The following GRID2 variants were observed in gnomAD, a reference collection of about 807,000 sequenced individuals.
GRID2 encodes glutamate ionotropic receptor delta type subunit 2.
GRID2 carries 33 observed loss-of-function variants against 114.8 expected under a neutral mutation model. That is an observed-to-expected ratio of 0.29 (90% CI 0.22 to 0.38). The LOEUF is 0.38. Among genes scored for constraint, GRID2 ranks in the 10% least tolerant of loss-of-function variants. The probability of loss-of-function intolerance (pLI) is 1.00; values close to 1 mark genes in which losing one functional copy is unlikely to be tolerated. For synonymous variants in GRID2, 505 were observed against 449.9 expected (o/e 1.12, Z -1.55); for missense variants, 1,184 against 1,257.7 (o/e 0.94, Z 0.89).
At chr4:93,092,670 A>G (rs533343865) in intron 3 of GRID2, among the ~76,000 whole-genome samples, 2 of 152,148 alleles carry the variant, frequency 1.3e-5, no homozygotes, top group East Asian at 1.9e-4. Context: ...GACTTTCACT[A>G]TGGGTTTCTC....
chr4:92,547,799 A>G (rs1343720662), intron 1 of GRID2, among the ~76,000 whole-genome samples: 1 of 152,168 alleles, frequency 6.6e-6, no homozygotes, highest in African/African-American at 2.4e-5. Context: ...TTTAGAAATG[A>G]ATGGAAACCT....
At chr4:93,250,425 C>T (rs1004812014) in intron 8 of GRID2, among the ~76,000 whole-genome samples, 6 of 151,702 alleles carry the variant, frequency 4.0e-5, no homozygotes, top group African/African-American at 1.5e-4. Flanking sequence ...AGCAAACCAC[C>T]GTGGCATGTG....
intron 2 of GRID2, among the ~76,000 whole-genome samples, chr4:92,887,281 T>A (rs1439034772): frequency 6.6e-6 from 1 of 152,224 alleles, no homozygotes; most frequent in East Asian, 1.9e-4. Flanking sequence ...TCAGCGTACC[T>A]GATTACTGGG....
intron 8 of GRID2, among the ~76,000 whole-genome samples, chr4:93,247,071 G>A (rs1179203653): frequency 6.6e-6 from 1 of 152,174 alleles, no homozygotes; most frequent in Non-Finnish European, 1.5e-5. Flanking sequence ...GCCTCTTGGA[G>A]AGAATGGGAG....
chr4:92,617,055 T>C (rs1029274060), intron 2 of GRID2, among the ~76,000 whole-genome samples: 14 of 151,498 alleles, frequency 9.2e-5, no homozygotes, highest in Non-Finnish European at 1.3e-4. Flanking sequence ...TTTGTTTATG[T>C]TGGGAACATT....
At chr4:92,533,739 G>A (rs1265679475) in intron 1 of GRID2, among the ~76,000 whole-genome samples, 4 of 152,072 alleles carry the variant, frequency 2.6e-5, no homozygotes, top group African/African-American at 7.2e-5. Context: ...AGGGAAATCC[G>A]AATAAACTAT....
chr4:92,359,061 T>A (rs1349646686), intron 1 of GRID2, among the ~76,000 whole-genome samples: 1 of 151,906 alleles, frequency 6.6e-6, no homozygotes, highest in Admixed American at 6.6e-5. Context: ...ATATTGTAGT[T>A]AAATTTTTTA....
chr4:92,318,284 A>G (rs898126721), intron 1 of GRID2, among the ~76,000 whole-genome samples: 11 of 139,300 alleles, frequency 7.9e-5, no homozygotes, highest in African/African-American at 2.4e-4. Flanking sequence ...TTGGATATAT[A>G]TGTGTGTATA....
At chr4:92,971,567 C>A (rs920358872) in intron 2 of GRID2, among the ~76,000 whole-genome samples, 1 of 151,964 alleles carries the variant, frequency 6.6e-6, no homozygotes, top group Non-Finnish European at 1.5e-5. Context: ...TCTTTTCTAG[C>A]TTTTCAAAAA....
intron 13 of GRID2, among the ~76,000 whole-genome samples, chr4:93,569,942 T>A (rs1735782257): frequency 6.6e-6 from 1 of 152,198 alleles, no homozygotes; most frequent in Non-Finnish European, 1.5e-5. Flanking sequence ...TATTTGTTAT[T>A]ATGTCACATT....
At chr4:93,782,468 A>G (rs1179390820) in intron 1 of GRID2, among the ~76,000 whole-genome samples, 1 of 152,172 alleles carries the variant, frequency 6.6e-6, no homozygotes, top group Non-Finnish European at 1.5e-5. Context: ...TCAACGTGAG[A>G]GTTCAGAAAG....
chr4:92,811,563 T>C (rs560837509), intron 2 of GRID2, among the ~76,000 whole-genome samples: 1 of 152,214 alleles, frequency 6.6e-6, no homozygotes, highest in South Asian at 2.1e-4. Flanking sequence ...ATCCTAGTAT[T>C]TCTCAAAAAC....
intron 1 of GRID2, among the ~76,000 whole-genome samples, chr4:92,415,773 T>TATATATATATATATAC (rs1553932682): frequency 2.3e-5 from 3 of 129,388 alleles, no homozygotes; most frequent in African/African-American, 9.4e-5. Context: ...TATATATATA[T>TATATATATATATATAC]ATATATATCA....
intron 8 of GRID2, among the ~76,000 whole-genome samples, chr4:93,328,104 C>T (rs887248261): frequency 6.7e-6 from 1 of 150,074 alleles, no homozygotes; most frequent in African/African-American, 2.5e-5. Flanking sequence ...GGTGAACGAG[C>T]AAGACTCCGT....
chr4:92,568,639 G>T (rs1727467533), intron 1 of GRID2, among the ~76,000 whole-genome samples: 1 of 151,900 alleles, frequency 6.6e-6, no homozygotes, highest in Non-Finnish European at 1.5e-5. Flanking sequence ...CTTGTGTCAT[G>T]AGGGTTTGTT....
intron 8 of GRID2, among the ~76,000 whole-genome samples, chr4:93,249,536 C>T (rs938013635): frequency 6.6e-6 from 1 of 151,968 alleles, no homozygotes; most frequent in Non-Finnish European, 1.5e-5. Flanking sequence ...TGTTTGTGTC[C>T]TCTCTTATTT....
At chr4:92,863,776 A>G (rs1289789973) in intron 2 of GRID2, among the ~76,000 whole-genome samples, 1 of 152,146 alleles carries the variant, frequency 6.6e-6, no homozygotes, top group Non-Finnish European at 1.5e-5. Context: ...TTGTTAGGTC[A>G]CCATGGAAGG....
At chr4:93,766,864 T>C (rs1733717093) in intron 14 of GRID2, among the ~76,000 whole-genome samples, 1 of 152,190 alleles carries the variant, frequency 6.6e-6, no homozygotes, top group Non-Finnish European at 1.5e-5. Context: ...AATACAGTAT[T>C]GCTAACTATA....
intron 8 of GRID2, among the ~76,000 whole-genome samples, chr4:93,369,250 C>T (rs949595287): frequency 6.6e-6 from 1 of 152,068 alleles, no homozygotes; most frequent in Non-Finnish European, 1.5e-5. Context: ...GCCATGTTGC[C>T]TCCTCTTCTG....
Sources: gnomAD v4.1 joint callset for allele counts (sites outside exome capture counted in the v4.1 genomes callset) on GRCh38, gnomAD v4.1.1 for gene constraint, MANE v1.5 for transcripts, NCBI Gene and HGNC (gene_info 2026-07-23, HGNC 2026-07-21) for gene names.